The following LIN9 variants were observed in gnomAD, a reference collection of about 807,000 sequenced individuals.
The protein encoded by LIN9 is protein lin-9 homolog.
A neutral mutation model predicts 78.0 loss-of-function variants in LIN9; 18 were observed. That is an observed-to-expected ratio of 0.23 (90% CI 0.16 to 0.34). The LOEUF (loss-of-function observed/expected upper bound fraction) is 0.34. Among genes scored for constraint, LIN9 ranks in the 10% least tolerant of loss-of-function variants. The probability of loss-of-function intolerance (pLI) is 1.00; values close to 1 mark genes in which losing one functional copy is unlikely to be tolerated. For missense variants in LIN9, 451 were observed against 644.1 expected (o/e 0.70, Z 3.25); for synonymous variants, 192 against 215.2 (o/e 0.89, Z 0.94).
intron 6 of LIN9, among the ~76,000 whole-genome samples, chr1:226,285,562 T>C (rs1423731063): frequency 6.6e-6 from 1 of 152,170 alleles, no homozygotes; most frequent in African/African-American, 2.4e-5. Flanking sequence ...ATAGACATAA[T>C]GTGAGAACTA....
chr1:226,283,277 A>AGT, intron 6 of LIN9, among the ~76,000 whole-genome samples: 1 of 97,490 alleles, frequency 1.0e-5, no homozygotes, highest in Non-Finnish European at 2.1e-5. Context: ...GTAATTTTTG[A>AGT]ATTTTTTTTT....
rs1334888577 is a variant in LIN9, at chr1:226,231,588, C to T, written c.*913G>A. ...AAACAAGCCTTTCTTCTGCATTTCA[C>T]AGCACTGGTTATTATATTTGTTTTC... On this transcript the variant is annotated 3_prime_UTR_variant, in exon 15 of 15. Transcript: ENST00000681046. The T allele has an allele frequency of 1.3e-5, 2 of 152,542 alleles. No homozygotes were observed. The highest frequency in any genetic ancestry group is 6.5e-5 in the Admixed American group (1 of 15,282). The allele number at this position is 152,542 out of a possible 1,614,324, so 9.4% of individuals were successfully genotyped here.
chr1:226,255,286 T>G (rs1407899584), intron 10 of LIN9, among the ~76,000 whole-genome samples: 1 of 152,152 alleles, frequency 6.6e-6, no homozygotes, highest in African/African-American at 2.4e-5. Context: ...AGATGGAGCA[T>G]TCTGTTCTTA....
chr1:226,238,831 G>A (rs1270464956), intron 12 of LIN9, 140 bp downstream of exon 12: 7 of 705,700 alleles, frequency 9.9e-6, no homozygotes, highest in Middle Eastern at 4.0e-4. Context: ...ATGCTGGGAG[G>A]AGTAAGAAAC....
intron 1 of LIN9, among the ~76,000 whole-genome samples, chr1:226,304,332 T>C (rs1012768996): frequency 6.6e-6 from 1 of 152,174 alleles, no homozygotes; most frequent in Admixed American, 6.5e-5. Flanking sequence ...CTCTCAAACT[T>C]TGTGAAAAGT....
chr1:226,309,712 A>G (rs1306403568), upstream of LIN9: 3 of 1,287,504 alleles, frequency 2.3e-6, no homozygotes, highest in Non-Finnish European at 3.0e-6. Flanking sequence ...GCGCGTCGCG[A>G]CGTCCGGGAC....
chr1:226,264,618 G>C (rs1011216148), intron 10 of LIN9, among the ~76,000 whole-genome samples: 1 of 152,108 alleles, frequency 6.6e-6, no homozygotes, highest in Non-Finnish European at 1.5e-5. Context: ...GGCCAAGGTG[G>C]GGGGATCACT....
At chr1:226,273,861 G>A (rs932735157) in intron 7 of LIN9, among the ~76,000 whole-genome samples, 2 of 144,082 alleles carry the variant, frequency 1.4e-5, no homozygotes, top group Non-Finnish European at 3.0e-5. Context: ...TCTTTGAGAC[G>A]GAGTCTCACT....
intron 1 of LIN9, among the ~76,000 whole-genome samples, chr1:226,307,914 A>C (rs1042262475): frequency 1.3e-5 from 2 of 152,266 alleles, no homozygotes; most frequent in African/African-American, 4.8e-5. Context: ...TTGGGGACTT[A>C]GTGCTGCTCT....
intron 10 of LIN9, among the ~76,000 whole-genome samples, chr1:226,260,441 G>A (rs1659489196): frequency 6.6e-6 from 1 of 152,104 alleles, no homozygotes; most frequent in Non-Finnish European, 1.5e-5. Flanking sequence ...GGAGGCTGAA[G>A]TGGGAGGATC....
At chr1:226,309,193 G>A (rs755728155), upstream of LIN9, 2 of 1,460,596 alleles carry the variant, frequency 1.4e-6, no homozygotes, top group Admixed American at 4.3e-5. Flanking sequence ...TGCATTGTGG[G>A]GCGGAGACTG....
At chr1:226,256,644 C>T (rs953799723) in intron 10 of LIN9, among the ~76,000 whole-genome samples, 7 of 151,572 alleles carry the variant, frequency 4.6e-5, no homozygotes, top group Non-Finnish European at 1.0e-4. Context: ...CTGCAAGCTC[C>T]GCCTCCTGGG....
chr1:226,283,654 C>G (rs958951835), intron 6 of LIN9, among the ~76,000 whole-genome samples: 1 of 151,976 alleles, frequency 6.6e-6, no homozygotes, highest in Non-Finnish European at 1.5e-5. Context: ...AGGTTTGAAG[C>G]CTGCTTTTCC....
chr1:226,285,592 A>T (rs1483563949), intron 6 of LIN9, among the ~76,000 whole-genome samples: 1 of 152,204 alleles, frequency 6.6e-6, no homozygotes, highest in Non-Finnish European at 1.5e-5. Context: ...TTATTCTTCT[A>T]ACATATTTCC....
At position 226,295,881 on chromosome 1, in the gene LIN9, C is replaced by A. The variant is rs779374034; in HGVS notation, c.225G>T (p.Arg75Ser). 1.9e-6 allele frequency: 3 copies of A among 1,613,250 alleles called. No individual in the cohort carries two copies. The highest frequency in any genetic ancestry group is 2.7e-5 in the African/African-American group (2 of 74,998). ...CAACCCTCTGGTTTCTTTTAGGTGA[C>A]CTTGTATTTATTTGCCTATCATCTT... Reference protein sequence around the residue: ...SDEDDRQINTRSPKRNQRVAM... With the variant: ...SDEDDRQINTSSPKRNQRVAM... The change falls in exon 4 of 15, where the codon AGG becomes AGT. Residue 75 changes from arginine (R) to serine (S), a missense_variant. Transcript: ENST00000681046.
At position 226,287,658 on chromosome 1, in the gene LIN9, A is replaced by T; in HGVS notation, c.398+6T>A. 1 of 1,522,728 alleles carries T rather than the reference A, an allele frequency of 6.6e-7. No homozygotes were observed. Among genetic ancestry groups the T allele is most frequent in the Non-Finnish European group, 8.8e-7 (1 of 1,139,268 alleles). The allele number at this position is 1,522,728 out of a possible 1,614,324, so 94.3% of individuals were successfully genotyped here. On this transcript the variant is annotated splice_donor_region_variant and intron_variant, in intron 5 of 14. Transcript: ENST00000681046. Reference sequence around the variant, plus strand: ...TAATATTCATAATATAAGCCATGATACATACTTATCTATATTTGAATAGAA... The same window carrying T: ...TAATATTCATAATATAAGCCATGATTCATACTTATCTATATTTGAATAGAA...
chr1:226,299,925 T>TC (rs1662410851), intron 2 of LIN9, among the ~76,000 whole-genome samples: 1 of 151,464 alleles, frequency 6.6e-6, no homozygotes, highest in African/African-American at 2.4e-5. Flanking sequence ...AAAGCAAGAT[T>TC]CTTTTTTTTT....
intron 7 of LIN9, among the ~76,000 whole-genome samples, chr1:226,273,008 T>C (rs908157214): frequency 2.6e-5 from 4 of 152,144 alleles, no homozygotes; most frequent in Non-Finnish European, 5.9e-5. Flanking sequence ...CAACACACTA[T>C]GTAGCCCAGG....
intron 1 of LIN9, among the ~76,000 whole-genome samples, chr1:226,305,621 G>A (rs530151946): frequency 1.3e-5 from 2 of 151,814 alleles, no homozygotes; most frequent in South Asian, 2.1e-4. Context: ...AGGGGGGTGT[G>A]GGGGGGTAGC....
Sources: gnomAD v4.1 joint callset for allele counts (sites outside exome capture counted in the v4.1 genomes callset) on GRCh38, gnomAD v4.1.1 for gene constraint, MANE v1.5 for transcripts, NCBI Gene and HGNC (gene_info 2026-07-23, HGNC 2026-07-21) for gene names.